JAKMIP3: variants seen among roughly 807,000 people sequenced by gnomAD.
JAKMIP3 encodes the protein Janus kinase and microtubule interacting protein 3.
In JAKMIP3, 58 loss-of-function variants were observed where a neutral mutation model predicts 118.5. That is an observed-to-expected ratio of 0.49 (90% CI 0.40 to 0.61). JAKMIP3 has a LOEUF of 0.61. JAKMIP3 is among the 20% of genes least tolerant of loss of function. JAKMIP3 has a pLI of 0.00. For missense variants in JAKMIP3, 950 were observed against 1,109.0 expected, an observed-to-expected ratio of 0.86 and a Z score of 2.04; for synonymous variants, 486 against 451.2, an observed-to-expected ratio of 1.08 and a Z score of -0.98.
rs1193001065 is a variant in JAKMIP3 at position 132,115,657 on chromosome 10, G to A, written c.136-1420G>A. On this transcript the variant is annotated intron_variant, in intron 2 of 23. Coordinates refer to ENST00000684848, the MANE Select transcript of JAKMIP3 (RefSeq NM_001323087.2). ...GTGCTTAAATAGTTGTCTCCAAAGA[G>A]GACCCCAAATTCTAGAGCAATTGTT... Among the ~76,000 whole-genome samples the A allele has an allele frequency of 2.6e-5, 4 of 152,312 alleles. No individual in the cohort carries two copies. In the East Asian group the frequency reaches 7.7e-4, roughly 29 times the overall value.
chr10:132,155,476 G>A (rs1286744563), intron 19 of JAKMIP3, among the ~76,000 whole-genome samples: 3 of 152,196 alleles, frequency 2.0e-5, no homozygotes, highest in Non-Finnish European at 2.9e-5. Context: ...TCACACAGAG[G>A]GGCCAGGGCT....
intron 9 of JAKMIP3, among the ~76,000 whole-genome samples, chr10:132,139,413 TGA>T (rs2052893228): frequency 8.3e-5 from 7 of 84,136 alleles, no homozygotes; most frequent in East Asian, 3.5e-4. Context: ...TGTGTATGTG[TGA>T]GTGTGTGTGT....
rs113571983 is a variant in JAKMIP3 at position 132,068,436 on chromosome 10, T to C, written c.-138+2375T>C. ...ACACTAGCCACTGAGATGACTCTTT[T>C]TGAAAGAGCCTATGTTGGCCTCCTA... is the stretch of plus-strand genomic sequence containing the variant. On this transcript the variant is annotated intron_variant, in intron 1 of 23. Coordinates refer to ENST00000684848, the MANE Select transcript of JAKMIP3 (RefSeq NM_001323087.2). 1.4e-3 allele frequency among the ~76,000 whole-genome samples: 217 copies of C among 152,336 alleles called. 4 individuals carry two copies. Among genetic ancestry groups the C allele is most frequent in the African/African-American group, 5.1e-3 (210 of 41,576 alleles).
rs1438155674 is a variant in JAKMIP3 at position 132,117,661 on chromosome 10, AGGCG to A, written c.633+88_633+91del. ...CAGGGGCGGGCGTGGGCGAGGGTGC[AGGCG>A]TGGGCTCGGGGAGCACGCGGGCAGC... On this transcript the variant is annotated intron_variant, in intron 3 of 23. Transcript: ENST00000684848. The surrounding 1 kb of genome is among the most constrained non-coding windows in gnomAD (Gnocchi z 8.6). 9.8e-6 allele frequency: 12 copies of A among 1,220,154 alleles called. No homozygotes were observed. The highest frequency in any genetic ancestry group is 9.3e-5 in the East Asian group (3 of 32,164). 75.6% of individuals were successfully genotyped at this position (1,220,154 alleles called of 1,614,324 possible).
At chr10:132,100,625 A>G (rs2044711935) in intron 1 of JAKMIP3, among the ~76,000 whole-genome samples, 2 of 152,166 alleles carry the variant, frequency 1.3e-5, no homozygotes, top group South Asian at 4.1e-4. Flanking sequence ...CCCAGCAGCT[A>G]TGAGCTCCGT....
intron 21 of JAKMIP3, 95 bp from the exon 22 acceptor site, chr10:132,166,888 A>G (rs1231168686): frequency 8.2e-6 from 7 of 857,400 alleles, no homozygotes; most frequent in Non-Finnish European, 1.3e-5. Context: ...CTCTGTCTTC[A>G]GTCTGTAATC....
chr10:132,053,732 G>A (rs543605997), intron 1 of JAKMIP3, among the ~76,000 whole-genome samples: 2 of 152,284 alleles, frequency 1.3e-5, no homozygotes, highest in South Asian at 2.1e-4. Context: ...GAGTGGAGCA[G>A]TGAGAACAAA....
intron 9 of JAKMIP3, 101 bp from the exon 10 acceptor site, chr10:132,140,350 G>T: frequency 6.6e-7 from 1 of 1,523,896 alleles, no homozygotes; most frequent in Non-Finnish European, 9.0e-7. Context: ...GTCGCAGGGT[G>T]GGGCTGCGGC....
In JAKMIP3 at chr10:132,168,416, T is replaced by C; in HGVS notation, c.*486T>C. The C allele has an allele frequency of 3.1e-6, 4 of 1,288,506 alleles. No individual in the cohort carries two copies. Among genetic ancestry groups the C allele is most frequent in the Non-Finnish European group, 4.0e-6 (4 of 988,058 alleles). 79.8% of individuals were successfully genotyped at this position (1,288,506 alleles called of 1,614,324 possible). Reference sequence around the variant, plus strand: ...TGATGACAAGATGAAAGCTGGACGGTGACCTTCATTCAGGGGAACCTGGAG... The same window carrying C: ...TGATGACAAGATGAAAGCTGGACGGCGACCTTCATTCAGGGGAACCTGGAG... On this transcript the variant is annotated 3_prime_UTR_variant, in exon 23 of 24. Transcript: ENST00000684848.
chr10:132,146,419 C>A, intron 13 of JAKMIP3, among the ~76,000 whole-genome samples: 1 of 152,116 alleles, frequency 6.6e-6, no homozygotes, highest in East Asian at 1.9e-4. Flanking sequence ...GTGCACCTCA[C>A]AACTGTGGGA....
intron 3 of JAKMIP3, among the ~76,000 whole-genome samples, chr10:132,119,410 G>C (rs548735412): frequency 6.6e-6 from 1 of 152,290 alleles, no homozygotes; most frequent in African/African-American, 2.4e-5. Context: ...CCCAGAGTCA[G>C]GAATCTTCAT....
chr10:132,077,016 T>TGGTCTGTGGTGGCCCCA (rs1014205472), intron 1 of JAKMIP3, among the ~76,000 whole-genome samples: 8 of 152,246 alleles, frequency 5.3e-5, no homozygotes, highest in African/African-American at 1.9e-4. Flanking sequence ...GCGTGAGGGC[T>TGGTCTGTGGTGGCCCCA]GGTCTGTGGT....
At position 132,137,259 on chromosome 10, in the gene JAKMIP3, T is replaced by G. The variant is rs1318816855; in HGVS notation, c.1254T>G (p.Leu418=). The change falls in exon 8 of 24, where the codon CTT becomes CTG. Residue 418 remains leucine (L), a synonymous_variant. Coordinates refer to ENST00000684848, the MANE Select transcript of JAKMIP3 (RefSeq NM_001323087.2). ...QNLIDELSKT[L]ETAGYVKSVL... ...ATGCTGTCTTCCTTTCCTAGACCCT[T>G]GAGACCGCCGGCTACGTGAAGAGCG... The G allele has an allele frequency of 1.9e-6, 3 of 1,613,910 alleles. No homozygotes were observed. Among genetic ancestry groups the G allele is most frequent in the East Asian group, 2.2e-5 (1 of 44,878 alleles).
upstream of JAKMIP3, among the ~76,000 whole-genome samples, chr10:132,061,066 G>A (rs1031663219): frequency 1.3e-5 from 2 of 152,176 alleles, no homozygotes; most frequent in African/African-American, 4.8e-5. Context: ...AAACTCTTAG[G>A]AATAATAGAT....
At chr10:132,045,007 G>C (rs998599880) in intron 1 of JAKMIP3, among the ~76,000 whole-genome samples, 1 of 152,108 alleles carries the variant, frequency 6.6e-6, no homozygotes, top group Non-Finnish European at 1.5e-5. Flanking sequence ...TGGACACTGG[G>C]GGGCTCCATG....
intron 19 of JAKMIP3, among the ~76,000 whole-genome samples, chr10:132,159,561 T>TG (rs1226944382): frequency 1.3e-4 from 11 of 82,108 alleles, no homozygotes; most frequent in East Asian, 8.3e-4. Flanking sequence ...TGTGTGATGC[T>TG]GGGGGGGCGT....
intron 1 of JAKMIP3, among the ~76,000 whole-genome samples, chr10:132,042,054 TG>T (rs2037773340): frequency 6.6e-6 from 1 of 151,204 alleles, no homozygotes; most frequent in South Asian, 2.1e-4. Context: ...TTTAATAGAG[TG>T]GGGGTTTCAC....
intron 6 of JAKMIP3, among the ~76,000 whole-genome samples, chr10:132,136,294 T>C (rs2814180): frequency 0.92 from 140,642 of 152,276 alleles, 65,077 homozygotes; most frequent in East Asian, 0.99. Flanking sequence ...TTGCAAAGGA[T>C]GCGGCTGTGG....
chr10:132,089,970 G>A (rs750812721), intron 1 of JAKMIP3, among the ~76,000 whole-genome samples: 17 of 152,314 alleles, frequency 1.1e-4, no homozygotes, highest in Non-Finnish European at 2.1e-4. Context: ...AGATAACCAC[G>A]TGGTTTTTGT....
Sources: gnomAD v4.1 joint callset for allele counts (sites outside exome capture counted in the v4.1 genomes callset) on GRCh38, gnomAD v4.1.1 for gene constraint, Gnocchi (gnomAD v3.1) non-coding constraint, MANE v1.5 for transcripts, NCBI Gene and HGNC (gene_info 2026-07-23, HGNC 2026-07-21) for gene names.